The following EDA variants were observed in gnomAD, a reference collection of about 807,000 sequenced individuals.
EDA encodes ectodysplasin A.
Under a neutral mutation model 23.6 loss-of-function variants are expected in EDA, and 2 were observed. That is an observed-to-expected ratio of 0.08 (90% CI 0.03 to 0.27). The LOEUF (loss-of-function observed/expected upper bound fraction) is 0.27, where lower values mean the gene tolerates loss of function less well. EDA is among the 10% of genes least tolerant of loss of function. The pLI, the probability that EDA is intolerant of heterozygous loss-of-function variation, is 1.00. For missense variants in EDA, 229 were observed against 324.2 expected (o/e 0.71, Z 2.26); for synonymous variants, 131 against 132.0 (o/e 0.99, Z 0.05).
At chrX:70,009,438 C>T (rs1436777144) in intron 2 of EDA, among the ~76,000 whole-genome samples, 1 of 111,851 alleles carries the variant, frequency 8.9e-6, no homozygotes, top group Non-Finnish European at 1.9e-5. Context: ...GCTTTTGCTC[C>T]ATCCCACAAA....
chrX:69,671,960 A>G (rs760345828), intron 1 of EDA, among the ~76,000 whole-genome samples: 5 of 112,183 alleles, frequency 4.5e-5, no homozygotes, highest in Non-Finnish European at 9.4e-5. Flanking sequence ...AGTAGATTGA[A>G]AGCTCCATGA....
In EDA at chrX:69,783,398, T is replaced by C. The variant is rs1436359726; in HGVS notation, c.396+166694T>C. Among the ~76,000 whole-genome samples, 19 of 109,516 alleles carry C rather than the reference T, an allele frequency of 1.7e-4. 1 individual carries two copies. In the East Asian group the frequency reaches 5.5e-3, roughly 32 times the overall value. ...GTGCGCTGCACCCACTAACTCGTCA[T>C]CCAGCATTAGGTGTATCTCCTAATG... On this transcript the variant is annotated intron_variant, in intron 1 of 7. Coordinates refer to ENST00000374552, the MANE Select transcript of EDA (RefSeq NM_001399.5).
At chrX:69,666,285 G>C (rs760836796) in intron 1 of EDA, among the ~76,000 whole-genome samples, 16 of 111,926 alleles carry the variant, frequency 1.4e-4, no homozygotes, top group Non-Finnish European at 2.3e-4. Flanking sequence ...GGTATCTTTT[G>C]TTTCTTTTTC....
chrX:69,979,961 T>A (rs944062302), intron 2 of EDA, among the ~76,000 whole-genome samples: 9 of 111,484 alleles, frequency 8.1e-5, no homozygotes, highest in African/African-American at 2.9e-4. Context: ...TTCTATTTTT[T>A]AGTGTTTCTA....
chrX:69,828,654 C>T lies in EDA; in HGVS notation c.397-128373C>T, dbSNP rs755302057. Among the ~76,000 whole-genome samples the T allele has an allele frequency of 1.1e-4, 12 of 112,492 alleles. No homozygotes were observed. In the South Asian group the frequency reaches 2.9e-3, roughly 28 times the overall value. ...GCCTCAGATGGAAATGCAGAAATCA[C>T]CTTTCTTCTGCGTCGCTCACGCTGG... On this transcript the variant is annotated intron_variant, in intron 1 of 7. Coordinates refer to ENST00000374552, the MANE Select transcript of EDA (RefSeq NM_001399.5).
At chrX:69,700,567 G>C (rs1215666812) in intron 1 of EDA, among the ~76,000 whole-genome samples, 2 of 110,963 alleles carry the variant, frequency 1.8e-5, no homozygotes, top group Non-Finnish European at 3.8e-5. Context: ...TAAAAGGGGA[G>C]TCTGTTGGGC....
At chrX:69,733,919 C>CT (rs60368757) in intron 1 of EDA, among the ~76,000 whole-genome samples, 33,019 of 102,778 alleles carry the variant, frequency 0.32, 4,909 homozygotes, top group Middle Eastern at 0.56. Context: ...AATATTTTTG[C>CT]TTTTTTTTTT....
At chrX:69,950,939 T>G in intron 1 of EDA, among the ~76,000 whole-genome samples, 1 of 60,770 alleles carries the variant, frequency 1.6e-5, no homozygotes. Flanking sequence ...TGGGGCCTGT[T>G]GTGGGGTGGG....
chrX:69,815,848 T>C (rs1343894915), intron 1 of EDA, among the ~76,000 whole-genome samples: 1 of 112,580 alleles, frequency 8.9e-6, no homozygotes, highest in East Asian at 2.8e-4. Context: ...AGACTGCTTC[T>C]TAGGGCAGGT....
chrX:69,810,927 C>T (rs1299679546), intron 1 of EDA, among the ~76,000 whole-genome samples: 1 of 111,380 alleles, frequency 9.0e-6, no homozygotes, highest in Non-Finnish European at 1.9e-5. Context: ...AAGGGTAAAA[C>T]ATTTGGGGCT....
At chrX:69,645,584 TTATATATATGTGTGTGTG>T (rs1932904489) in intron 1 of EDA, among the ~76,000 whole-genome samples, 1 of 54,371 alleles carries the variant, frequency 1.8e-5, no homozygotes, top group South Asian at 1.0e-3. Flanking sequence ...TCTAGTTCTT[TTATATATATGTGTGTGTG>T]TATATATATA....
chrX:69,656,062 A>G (rs1933311966), intron 1 of EDA, among the ~76,000 whole-genome samples: 1 of 109,269 alleles, frequency 9.2e-6, no homozygotes, highest in African/African-American at 3.3e-5. Context: ...CATTTGTCAG[A>G]TATATGCCTT....
intron 1 of EDA, among the ~76,000 whole-genome samples, chrX:69,746,000 A>G (rs1358474193): frequency 9.0e-6 from 1 of 111,006 alleles, no homozygotes; most frequent in African/African-American, 3.3e-5. Context: ...AAGAAAAGGA[A>G]AAAGAAAATT....
chrX:69,643,377 C>T (rs1391076655), intron 1 of EDA, among the ~76,000 whole-genome samples: 2 of 110,835 alleles, frequency 1.8e-5, no homozygotes, highest in Non-Finnish European at 3.8e-5. Context: ...ATCATCCCAT[C>T]ACCTAGGTAT....
intron 1 of EDA, among the ~76,000 whole-genome samples, chrX:69,632,468 C>A (rs1198633155): frequency 8.9e-6 from 1 of 111,978 alleles, no homozygotes; most frequent in Non-Finnish European, 1.9e-5. Flanking sequence ...CAGAGAATAA[C>A]CAATTACAGC....
chrX:69,979,447 T>A (rs2019370708), intron 2 of EDA, among the ~76,000 whole-genome samples: 1 of 112,181 alleles, frequency 8.9e-6, no homozygotes, highest in Admixed American at 9.5e-5. Context: ...TAACTTTGTG[T>A]CAGCTTTTTA....
At position 69,870,145 on chromosome X, in the gene EDA, A is replaced by C. The variant is rs145022589; in HGVS notation, c.397-86882A>C. ...CATCTTTTAATCCATATTTCAGCTA[A>C]CCAAGCAAATAAACTATTATAACCT... On this transcript the variant is annotated intron_variant, in intron 1 of 7. Transcript: ENST00000374552. Among the ~76,000 whole-genome samples the C allele has an allele frequency of 7.8e-3, 866 of 111,478 alleles. 9 individuals carry two copies. The highest frequency in any genetic ancestry group is 0.027 in the African/African-American group (829 of 30,637).
intron 1 of EDA, among the ~76,000 whole-genome samples, chrX:69,831,064 C>A (rs1048602565): frequency 9.0e-6 from 1 of 111,085 alleles, no homozygotes; most frequent in African/African-American, 3.3e-5. Context: ...ATGAGAAATC[C>A]TTTTATTATT....
intron 1 of EDA, among the ~76,000 whole-genome samples, chrX:69,710,562 A>T (rs1287626353): frequency 9.0e-6 from 1 of 111,607 alleles, no homozygotes; most frequent in Non-Finnish European, 1.9e-5. Context: ...ATGGCATTGA[A>T]TCCATAAATT....
Sources: gnomAD v4.1 joint callset for allele counts (sites outside exome capture counted in the v4.1 genomes callset) on GRCh38, gnomAD v4.1.1 for gene constraint, MANE v1.5 for transcripts, NCBI Gene and HGNC (gene_info 2026-07-23, HGNC 2026-07-21) for gene names.